The following SEMA3A variants were observed in gnomAD, a reference collection of about 807,000 sequenced individuals.
SEMA3A encodes the protein semaphorin 3A.
SEMA3A carries 29 observed loss-of-function variants against 97.9 expected under a neutral mutation model. The observed-to-expected ratio is 0.30, with a 90% confidence interval of 0.22 to 0.40. The LOEUF (loss-of-function observed/expected upper bound fraction) is 0.40, where lower values mean the gene tolerates loss of function less well. Ranked by LOEUF, SEMA3A falls within the 10% of genes least tolerant of loss-of-function variation. The pLI is 1.00. For missense variants in SEMA3A, 763 were observed against 951.3 expected (o/e 0.80, Z 2.60); for synonymous variants, 321 against 323.7 (o/e 0.99, Z 0.09).
chr7:84,221,859 A>G (rs949895579), intron 3 of SEMA3A, among the ~76,000 whole-genome samples: 1 of 152,202 alleles, frequency 6.6e-6, no homozygotes, highest in African/African-American at 2.4e-5. Flanking sequence ...AATGTGATAC[A>G]GACATGAAGA....
chr7:84,297,905 TAGG>T (rs1290665183), intron 3 of SEMA3A, among the ~76,000 whole-genome samples: 1 of 152,170 alleles, frequency 6.6e-6, no homozygotes, highest in Admixed American at 6.6e-5. Context: ...CCTATGGTAA[TAGG>T]AGGACAGAAA....
intron 1 of SEMA3A, among the ~76,000 whole-genome samples, chr7:84,372,970 A>C (rs572115067): frequency 6.6e-6 from 1 of 152,278 alleles, no homozygotes; most frequent in Admixed American, 6.5e-5. Context: ...AAAAGTGACA[A>C]CATGCCAGCT....
intron 1 of SEMA3A, among the ~76,000 whole-genome samples, chr7:84,378,874 G>T (rs1803177168): frequency 6.6e-6 from 1 of 150,490 alleles, no homozygotes; most frequent in Non-Finnish European, 1.5e-5. Flanking sequence ...TAAGATCCAT[G>T]ACTCTCTCTC....
chr7:84,257,271 T>C (rs1340136684), intron 3 of SEMA3A, among the ~76,000 whole-genome samples: 1 of 152,072 alleles, frequency 6.6e-6, no homozygotes, highest in Admixed American at 6.6e-5. Flanking sequence ...CTTTAATTTT[T>C]TTTTTTTATT....
At chr7:84,279,104 A>T (rs765255119) in intron 3 of SEMA3A, among the ~76,000 whole-genome samples, 151 of 152,310 alleles carry the variant, frequency 9.9e-4, no homozygotes, top group Middle Eastern at 3.4e-3. Flanking sequence ...CTGTTTATAA[A>T]ATAAATGGAT....
intron 5 of SEMA3A, among the ~76,000 whole-genome samples, chr7:84,059,381 G>A (rs564954646): frequency 1.1e-3 from 166 of 152,120 alleles, no homozygotes; most frequent in African/African-American, 3.7e-3. Flanking sequence ...GTGAAACATG[G>A]TGACAAAAGA....
At chr7:84,014,628 G>A (rs995750123) in intron 6 of SEMA3A, among the ~76,000 whole-genome samples, 12 of 152,054 alleles carry the variant, frequency 7.9e-5, no homozygotes, top group African/African-American at 1.4e-4. Context: ...TTGCAGATGC[G>A]TTACTGGATA....
intron 12 of SEMA3A, among the ~76,000 whole-genome samples, chr7:83,996,125 G>C (rs949993582): frequency 2.6e-5 from 4 of 152,060 alleles, no homozygotes; most frequent in Non-Finnish European, 5.9e-5. Flanking sequence ...ATCTTTGATT[G>C]TACTGGAAAG....
intron 1 of SEMA3A, among the ~76,000 whole-genome samples, chr7:84,382,045 G>A (rs936541463): frequency 1.3e-5 from 2 of 152,094 alleles, no homozygotes; most frequent in Non-Finnish European, 2.9e-5. Flanking sequence ...AGAAGGACTG[G>A]CTTCATTCAG....
chr7:84,120,716 G>A (rs1795584506), intron 3 of SEMA3A, among the ~76,000 whole-genome samples: 1 of 152,160 alleles, frequency 6.6e-6, no homozygotes. Flanking sequence ...GTAAGATTAT[G>A]CAGAGTGTCC....
At chr7:84,435,852 A>T (rs1249097967) in intron 1 of SEMA3A, among the ~76,000 whole-genome samples, 1 of 152,190 alleles carries the variant, frequency 6.6e-6, no homozygotes, top group Non-Finnish European at 1.5e-5. Flanking sequence ...ATCAAAAAAG[A>T]GCCAGAATAG....
chr7:84,238,027 G>A (rs1028898335), intron 3 of SEMA3A, among the ~76,000 whole-genome samples: 1 of 152,020 alleles, frequency 6.6e-6, no homozygotes, highest in Non-Finnish European at 1.5e-5. Context: ...GGTGGAGTAT[G>A]GGTGTTTTGG....
chr7:84,143,950 AACACACACACACACACACACACAC>A (rs796470836), intron 1 of SEMA3A, among the ~76,000 whole-genome samples: 1 of 94,652 alleles, frequency 1.1e-5, no homozygotes, highest in Non-Finnish European at 2.3e-5. Flanking sequence ...CTCTCTCTCT[AACACACACACACACACACACACAC>A]ACACACACAC....
chr7:84,342,414 G>A (rs1802192746), intron 2 of SEMA3A, among the ~76,000 whole-genome samples: 1 of 152,076 alleles, frequency 6.6e-6, no homozygotes, highest in Non-Finnish European at 1.5e-5. Context: ...CACGATGAAG[G>A]CCATGAACAC....
At chr7:84,106,928 ATG>A (rs1406046083) in intron 4 of SEMA3A, among the ~76,000 whole-genome samples, 5 of 152,194 alleles carry the variant, frequency 3.3e-5, no homozygotes, top group African/African-American at 1.2e-4. Flanking sequence ...TATTTGTTAT[ATG>A]TCTAGACAAA....
intron 1 of SEMA3A, among the ~76,000 whole-genome samples, chr7:84,399,643 G>A (rs1803843987): frequency 6.6e-6 from 1 of 152,194 alleles, no homozygotes; most frequent in South Asian, 2.1e-4. Context: ...ATTATTACTA[G>A]GTCATTGCTT....
intron 1 of SEMA3A, among the ~76,000 whole-genome samples, chr7:84,413,162 T>C (rs1380883815): frequency 1.3e-5 from 2 of 152,156 alleles, no homozygotes; most frequent in Non-Finnish European, 2.9e-5. Context: ...TTACCCTTCA[T>C]AACTGATGCA....
intron 1 of SEMA3A, among the ~76,000 whole-genome samples, chr7:84,169,922 A>C (rs193282477): frequency 6.6e-6 from 1 of 152,036 alleles, no homozygotes. Flanking sequence ...CTTCATACTT[A>C]ACAAATATTA....
At chr7:84,311,738 A>C (rs780389710) in intron 2 of SEMA3A, among the ~76,000 whole-genome samples, 1 of 151,898 alleles carries the variant, frequency 6.6e-6, no homozygotes, top group Non-Finnish European at 1.5e-5. Context: ...ATTTTAACTA[A>C]ATGTCTATTA....
Sources: gnomAD v4.1 joint callset for allele counts (sites outside exome capture counted in the v4.1 genomes callset) on GRCh38, gnomAD v4.1.1 for gene constraint, MANE v1.5 for transcripts, NCBI Gene and HGNC (gene_info 2026-07-23, HGNC 2026-07-21) for gene names.